Variants in DENND5A observed in about 807,000 individuals in gnomAD.
The protein encoded by DENND5A is DENN domain containing 5A.
In DENND5A, 64 loss-of-function variants were observed where a neutral mutation model predicts 140.3. That is an observed-to-expected ratio of 0.46 (90% CI 0.37 to 0.56). The LOEUF (loss-of-function observed/expected upper bound fraction) is 0.56. Ranked by LOEUF, DENND5A falls within the 20% of genes least tolerant of loss-of-function variation. The probability of loss-of-function intolerance (pLI) is 0.00; values close to 1 mark genes in which losing one functional copy is unlikely to be tolerated. For synonymous variants in DENND5A, 605 were observed against 607.7 expected (o/e 1.00, Z 0.07); for missense variants, 1,292 against 1,593.8 (o/e 0.81, Z 3.22).
At chr11:9,140,248 C>A in intron 22 of DENND5A, 1 of 1,290,752 alleles carries the variant, frequency 7.7e-7, no homozygotes, top group Non-Finnish European at 1.0e-6. Context: ...TCATGATAAC[C>A]CTGTGATATG....
intron 20 of DENND5A, 90 bp downstream of exon 20, chr11:9,143,313 C>A: frequency 8.7e-7 from 1 of 1,152,588 alleles, no homozygotes; most frequent in South Asian, 1.2e-5. Flanking sequence ...AGCACATGGG[C>A]CTGGAAGAGC....
At chr11:9,215,827 A>T (rs1590287747) in intron 1 of DENND5A, among the ~76,000 whole-genome samples, 1 of 151,990 alleles carries the variant, frequency 6.6e-6, no homozygotes, top group Non-Finnish European at 1.5e-5. Context: ...TGGGATTACA[A>T]GCGTGAGCCA....
chr11:9,261,086 A>G (rs1278509838), intron 1 of DENND5A, among the ~76,000 whole-genome samples: 2 of 152,124 alleles, frequency 1.3e-5, no homozygotes, highest in African/African-American at 4.8e-5. Context: ...CCTGGGCTCA[A>G]GCAATTCACC....
At chr11:9,193,734 CA>C in intron 4 of DENND5A, 53 bp from the exon 5 acceptor site, 1 of 1,452,000 alleles carries the variant, frequency 6.9e-7, no homozygotes, top group Non-Finnish European at 9.3e-7. Flanking sequence ...AAAAACAAGG[CA>C]CTTGCTTTCC....
intron 13 of DENND5A, 108 bp downstream of exon 13, chr11:9,152,250 A>G: frequency 1.2e-6 from 1 of 859,902 alleles, no homozygotes; most frequent in Non-Finnish European, 2.0e-6. Context: ...AAAACATTCC[A>G]GAGCAAAAGC....
chr11:9,182,676 CAT>C (rs914328591), intron 5 of DENND5A, among the ~76,000 whole-genome samples: 3 of 152,170 alleles, frequency 2.0e-5, no homozygotes, highest in Non-Finnish European at 4.4e-5. Flanking sequence ...ATAAATACCA[CAT>C]GTTCTCACTT....
intron 22 of DENND5A, among the ~76,000 whole-genome samples, chr11:9,141,025 C>A (rs1847220359): frequency 6.6e-6 from 1 of 152,126 alleles, no homozygotes; most frequent in Non-Finnish European, 1.5e-5. Context: ...ACTCGGGAGG[C>A]TGAGGCAGGA....
intron 1 of DENND5A, among the ~76,000 whole-genome samples, chr11:9,253,526 G>C (rs978715450): frequency 6.6e-6 from 1 of 152,082 alleles, no homozygotes; most frequent in South Asian, 2.1e-4. Context: ...ACTTTGGGAG[G>C]CTGAGTCGGG....
At chr11:9,186,997 T>C (rs746144844) in intron 5 of DENND5A, among the ~76,000 whole-genome samples, 3 of 151,858 alleles carry the variant, frequency 2.0e-5, no homozygotes, top group Non-Finnish European at 2.9e-5. Flanking sequence ...GGCAGGAAAA[T>C]TGCTTGAACC....
intron 5 of DENND5A, among the ~76,000 whole-genome samples, chr11:9,185,653 G>C (rs1405322717): frequency 3.3e-5 from 5 of 152,188 alleles, no homozygotes; most frequent in African/African-American, 1.2e-4. Context: ...TTCTGCACAT[G>C]TATCCCAGAA....
At chr11:9,211,349 G>C (rs1849871556) in intron 1 of DENND5A, among the ~76,000 whole-genome samples, 1 of 152,092 alleles carries the variant, frequency 6.6e-6, no homozygotes, top group Non-Finnish European at 1.5e-5. Flanking sequence ...AAGCAGCCAA[G>C]TTAAGGGTAA....
intron 10 of DENND5A, among the ~76,000 whole-genome samples, chr11:9,169,347 G>A (rs1848291085): frequency 6.6e-6 from 1 of 152,106 alleles, no homozygotes; most frequent in African/African-American, 2.4e-5. Flanking sequence ...TCAAGAGGCT[G>A]AGGCAGGGGA....
At chr11:9,211,902 C>T (rs897031294) in intron 1 of DENND5A, among the ~76,000 whole-genome samples, 26 of 148,954 alleles carry the variant, frequency 1.7e-4, no homozygotes, top group African/African-American at 4.7e-4. Context: ...TGCACTCCAC[C>T]CTGGGCAACA....
At chr11:9,228,181 C>G (rs529653138) in intron 1 of DENND5A, among the ~76,000 whole-genome samples, 1 of 150,290 alleles carries the variant, frequency 6.7e-6, no homozygotes, top group African/African-American at 2.4e-5. Flanking sequence ...CTCCTAAAAC[C>G]TTTGGAATCT....
intron 3 of DENND5A, among the ~76,000 whole-genome samples, chr11:9,204,810 C>T (rs771507782): frequency 6.6e-4 from 100 of 152,274 alleles, no homozygotes; most frequent in Admixed American, 2.6e-3. Context: ...TGCAGTGAGC[C>T]AAGATCATGC....
intron 9 of DENND5A, 88 bp from the exon 10 acceptor site, chr11:9,170,037 G>T: frequency 2.0e-6 from 2 of 1,002,262 alleles, no homozygotes; most frequent in Non-Finnish European, 3.1e-6. Flanking sequence ...GAATGACTAC[G>T]AGTCAATGCT....
intron 1 of DENND5A, among the ~76,000 whole-genome samples, chr11:9,221,963 T>A (rs563748087): frequency 2.1e-4 from 32 of 151,570 alleles, no homozygotes; most frequent in South Asian, 1.3e-3. Context: ...TTCACAGTGT[T>A]GGCCAGGATG....
intron 12 of DENND5A, among the ~76,000 whole-genome samples, chr11:9,155,683 A>C (rs757629706): frequency 1.3e-5 from 2 of 152,282 alleles, no homozygotes; most frequent in Non-Finnish European, 2.9e-5. Context: ...TAAGCAAGAA[A>C]GATAAGTAAC....
intron 1 of DENND5A, among the ~76,000 whole-genome samples, chr11:9,246,887 C>T (rs572016164): frequency 6.6e-6 from 1 of 152,246 alleles, no homozygotes; most frequent in South Asian, 2.1e-4. Context: ...TATTGATTCA[C>T]AATTTTGCCT....
Sources: gnomAD v4.1 joint callset for allele counts (sites outside exome capture counted in the v4.1 genomes callset) on GRCh38, gnomAD v4.1.1 for gene constraint, MANE v1.5 for transcripts, NCBI Gene and HGNC (gene_info 2026-07-23, HGNC 2026-07-21) for gene names.